The following EIF2AK4 variants were observed in gnomAD, a reference collection of about 807,000 sequenced individuals.
EIF2AK4 encodes the protein eIF-2-alpha kinase GCN2.
In EIF2AK4, 139 loss-of-function variants were observed where a neutral mutation model predicts 211.1. The ratio of observed to expected loss-of-function variants is 0.66; its 90% CI spans 0.57 to 0.76. The LOEUF is 0.76. Ranked by LOEUF, EIF2AK4 falls within the 30% of genes least tolerant of loss-of-function variation. The probability of loss-of-function intolerance (pLI) is 0.00; values close to 1 mark genes in which losing one functional copy is unlikely to be tolerated. For missense variants in EIF2AK4, 1,664 were observed against 2,043.8 expected (o/e 0.81, Z 3.58); for synonymous variants, 710 against 751.3 (o/e 0.94, Z 0.90).
At chr15:39,990,689 CTT>C in intron 16 of EIF2AK4, among the ~76,000 whole-genome samples, 1 of 152,208 alleles carries the variant, frequency 6.6e-6, no homozygotes, top group Non-Finnish European at 1.5e-5. Flanking sequence ...GGGCTAGATG[CTT>C]TATACCTCAG....
chr15:40,015,958 A>G (rs985379243), intron 27 of EIF2AK4, among the ~76,000 whole-genome samples: 2 of 152,226 alleles, frequency 1.3e-5, no homozygotes, highest in Admixed American at 1.3e-4. Flanking sequence ...ACAGCTGGTG[A>G]CAGCCAGGAT....
Position 39,965,757 on chromosome 15 carries a change from T to C in EIF2AK4, c.931T>C (p.Tyr311His), listed in dbSNP as rs1379321721. The C allele has an allele frequency of 1.9e-6, 3 of 1,614,002 alleles. No homozygotes were observed. The highest frequency in any genetic ancestry group is 3.3e-5 in the Admixed American group (2 of 59,996). ...ETATGGFVLL[Y>H]EWVLQWQKKM... ...AGCCACTGGTGGCTTTGTCTTGTTG[T>C]ATGAGTGGGTCCTTCAGTGGCAGAA... The change falls in exon 8 of 39, where the codon TAT becomes CAT. Residue 311 changes from tyrosine (Y) to histidine (H), a missense_variant. Transcript: ENST00000263791.
chr15:40,030,174 G>A (rs910064608), intron 34 of EIF2AK4, among the ~76,000 whole-genome samples, 185 bp from the exon 35 acceptor site: 1 of 152,174 alleles, frequency 6.6e-6, no homozygotes, highest in Non-Finnish European at 1.5e-5. Context: ...GCTGGGTGTT[G>A]GGGTTCTGGG....
At chr15:39,992,537 C>G in intron 17 of EIF2AK4, 2 of 582,406 alleles carry the variant, frequency 3.4e-6, no homozygotes, top group East Asian at 5.8e-5. Flanking sequence ...GGGGTCTTAT[C>G]TGGCACTGTC....
chr15:40,009,571 AT>A, intron 25 of EIF2AK4, 42 bp from the exon 26 acceptor site: 1 of 1,303,114 alleles, frequency 7.7e-7, no homozygotes, highest in Non-Finnish European at 1.1e-6. Flanking sequence ...TGTACCAGTA[AT>A]TGCTTTTATA....
intron 19 of EIF2AK4, 149 bp downstream of exon 19, chr15:39,997,214 C>T (rs2035030147): frequency 1.6e-6 from 1 of 623,630 alleles, no homozygotes; most frequent in Non-Finnish European, 2.8e-6. Flanking sequence ...TTCAGATATG[C>T]AAGACTAACC....
chr15:40,026,877 T>C (rs2035472330), intron 33 of EIF2AK4, among the ~76,000 whole-genome samples: 1 of 152,194 alleles, frequency 6.6e-6, no homozygotes, highest in Admixed American at 6.5e-5. Flanking sequence ...GCAATTCCAC[T>C]TTCAGGAATT....
intron 20 of EIF2AK4, 55 bp from the exon 21 acceptor site, chr15:40,000,933 T>A: frequency 6.4e-7 from 1 of 1,562,232 alleles, no homozygotes; most frequent in Non-Finnish European, 8.8e-7. Flanking sequence ...GTCCGGAGAA[T>A]AGCTGAGCAT....
intron 11 of EIF2AK4, 117 bp downstream of exon 11, chr15:39,973,866 T>C (rs1293502026): frequency 1.1e-5 from 13 of 1,157,190 alleles, no homozygotes; most frequent in Non-Finnish European, 1.6e-5. Context: ...ATATGGCTGT[T>C]GGATACTATG....
chr15:40,033,977 G>A (rs188364738), intron 37 of EIF2AK4, among the ~76,000 whole-genome samples: 21 of 149,610 alleles, frequency 1.4e-4, no homozygotes, highest in East Asian at 9.8e-4. Flanking sequence ...GCAGTGAGCC[G>A]AGATTGTGCC....
chr15:39,993,186 G>A (rs2034973914), intron 18 of EIF2AK4, among the ~76,000 whole-genome samples: 2 of 141,376 alleles, frequency 1.4e-5, no homozygotes, highest in African/African-American at 2.7e-5. Context: ...CCATCCACTC[G>A]TCCATCCGTC....
intron 4 of EIF2AK4, chr15:39,951,427 C>G (rs1414195931): frequency 3.2e-6 from 1 of 310,800 alleles, no homozygotes; most frequent in Non-Finnish European, 6.2e-6. Context: ...ACAATTGTTA[C>G]ATGTTTGGCA....
intron 30 of EIF2AK4, chr15:40,020,644 G>T (rs1053168131): frequency 1.6e-5 from 3 of 192,700 alleles, no homozygotes; most frequent in South Asian, 2.5e-4. Flanking sequence ...AGCGGAGATC[G>T]TGCCACTGTA....
At position 39,992,172 on chromosome 15, in the gene EIF2AK4, T is replaced by C. The variant is rs761419591; in HGVS notation, c.2632-3T>C. ...TGGATATTTGGCTTACTTATATTTT[T>C]AGGCTGACAGCAAACAAGACGATCA... On this transcript the variant is annotated splice_region_variant and splice_polypyrimidine_tract_variant and intron_variant, in intron 16 of 38. Transcript: ENST00000263791. The C allele has an allele frequency of 4.3e-6, 7 of 1,611,266 alleles. No homozygotes were observed. The highest frequency in any genetic ancestry group is 5.9e-6 in the Non-Finnish European group (7 of 1,178,688).
intron 21 of EIF2AK4, among the ~76,000 whole-genome samples, chr15:40,001,674 A>T (rs1340924195): frequency 1.3e-5 from 2 of 151,004 alleles, no homozygotes; most frequent in Non-Finnish European, 2.9e-5. Context: ...TTAGAGACTG[A>T]TCCCTAGCCC....
At chr15:39,946,596 G>A in intron 3 of EIF2AK4, 1 of 701,664 alleles carries the variant, frequency 1.4e-6, no homozygotes, top group Non-Finnish European at 2.6e-6. Context: ...CAGCAGCAGG[G>A]TTGGAGAGGA....
At chr15:40,028,275 A>G (rs991744621) in intron 33 of EIF2AK4, among the ~76,000 whole-genome samples, 2 of 151,978 alleles carry the variant, frequency 1.3e-5, no homozygotes, top group Non-Finnish European at 2.9e-5. Context: ...GGATCTCCCT[A>G]TGTTGCCCAG....
Position 40,017,504 on chromosome 15 carries a change from TATATATATATATA to T in EIF2AK4, c.4065+263_4065+275del, listed in dbSNP as rs2035320703. Among the ~76,000 whole-genome samples the T allele has an allele frequency of 2.0e-3, 164 of 81,074 alleles. 20 individuals are homozygous for T. The highest frequency in any genetic ancestry group is 6.4e-3 in the East Asian group (15 of 2,346). The allele number at this position is 81,074 out of a possible 152,430, so 53.2% of individuals were successfully genotyped here. A position where few individuals can be genotyped will look rare whatever the true frequency, so the allele number is the denominator to read the frequency against. ...TCATGTACCCTTTACTCTGTTTCTA[TATATATATATATA>T]TATATATATATATATATATATATAT... is the stretch of plus-strand genomic sequence containing the variant. On this transcript the variant is annotated intron_variant, in intron 29 of 38. Coordinates refer to ENST00000263791, the MANE Select transcript of EIF2AK4 (RefSeq NM_001013703.4).
Position 39,988,042 on chromosome 15 carries a change from C to T in EIF2AK4, c.2463C>T (p.Asp821=), listed in dbSNP as rs1366212193. ...RDTIDQGLYR[D]TVRLWRLFRE... ...CCATTGACCAGGGACTGTATCGAGA[C>T]ACCGTCAGACTCTGGAGGCTTTTTC... The change falls in exon 15 of 39, where the codon GAC becomes GAT. Residue 821 remains aspartate, a synonymous_variant. Transcript: ENST00000263791. The T allele has an allele frequency of 3.1e-6, 5 of 1,614,080 alleles. No individual in the cohort carries two copies. In the African/African-American group the frequency reaches 5.3e-5, roughly 17 times the overall value.
Sources: gnomAD v4.1 joint callset for allele counts (sites outside exome capture counted in the v4.1 genomes callset) on GRCh38, gnomAD v4.1.1 for gene constraint, MANE v1.5 for transcripts, NCBI Gene and HGNC (gene_info 2026-07-23, HGNC 2026-07-21) for gene names.